The following ASAP2 variants were observed in gnomAD, a reference collection of about 807,000 sequenced individuals.
ASAP2 encodes ArfGAP with SH3 domain, ankyrin repeat and PH domain 2.
In ASAP2, 45 loss-of-function variants were observed where a neutral mutation model predicts 131.4. The ratio of observed to expected loss-of-function variants is 0.34; its 90% CI spans 0.27 to 0.44. The LOEUF is 0.44. ASAP2 is among the 20% of genes least tolerant of loss of function. The probability of loss-of-function intolerance (pLI) is 1.00; values close to 1 mark genes in which losing one functional copy is unlikely to be tolerated. For synonymous variants in ASAP2, 510 were observed against 503.0 expected, an observed-to-expected ratio of 1.01 and a Z score of -0.19; for missense variants, 1,011 against 1,297.0, an observed-to-expected ratio of 0.78 and a Z score of 3.39.
chr2:9,289,706 G>A (rs60099601), intron 2 of ASAP2, among the ~76,000 whole-genome samples: 194 of 152,252 alleles, frequency 1.3e-3, no homozygotes, highest in African/African-American at 4.4e-3. Flanking sequence ...GGAAGGATGG[G>A]ATCATTAATA....
At chr2:9,271,420 C>T (rs1446217181) in intron 1 of ASAP2, 7 of 1,435,014 alleles carry the variant, frequency 4.9e-6, no homozygotes, top group Non-Finnish European at 9.8e-7. Flanking sequence ...AATTACAGTA[C>T]CATTGCAGGC....
At chr2:9,254,254 T>TATATATATATATATACATATATATATAC (rs1553297027) in intron 1 of ASAP2, among the ~76,000 whole-genome samples, 4 of 65,744 alleles carry the variant, frequency 6.1e-5, no homozygotes, top group African/African-American at 3.0e-4. Flanking sequence ...TATATATATA[T>TATATATATATATATACATATATATATAC]ACACGTGTGT....
intron 1 of ASAP2, among the ~76,000 whole-genome samples, chr2:9,229,460 G>T (rs149566165): frequency 3.9e-5 from 6 of 152,320 alleles, no homozygotes; most frequent in African/African-American, 1.4e-4. Flanking sequence ...CTGGGAACCA[G>T]GGGCAGCTAC....
chr2:9,327,807 C>G lies in ASAP2; in HGVS notation c.601-19C>G. On this transcript the variant is annotated intron_variant, in intron 6 of 27. Coordinates refer to ENST00000281419, the MANE Select transcript of ASAP2 (RefSeq NM_003887.3). ...TATTCTGCTTACTTCCATGACATTT[C>G]CTTTTCATTGTTCAACAGTATCTGC... The G allele has an allele frequency of 6.4e-7, 1 of 1,566,278 alleles. No homozygotes were observed. Among genetic ancestry groups the G allele is most frequent in the South Asian group, 1.2e-5 (1 of 83,664 alleles).
At chr2:9,250,962 A>G (rs906485338) in intron 1 of ASAP2, among the ~76,000 whole-genome samples, 14 of 152,252 alleles carry the variant, frequency 9.2e-5, no homozygotes, top group African/African-American at 3.4e-4. Flanking sequence ...TCAATTTCTT[A>G]CAGAGATAAG....
At chr2:9,211,391 T>C (rs1011069162) in intron 1 of ASAP2, among the ~76,000 whole-genome samples, 1 of 152,136 alleles carries the variant, frequency 6.6e-6, no homozygotes, top group African/African-American at 2.4e-5. Flanking sequence ...TTTTTTTTCT[T>C]CTTTTTTTTT....
At chr2:9,380,968 G>A (rs1261340479) in intron 20 of ASAP2, among the ~76,000 whole-genome samples, 160 bp downstream of exon 20, 2 of 152,188 alleles carry the variant, frequency 1.3e-5, no homozygotes, top group Admixed American at 6.5e-5. Flanking sequence ...GAGAAGGTAT[G>A]CTAGGGAGTC....
Position 9,369,449 on chromosome 2 carries a change from G to C in ASAP2, c.1556+930G>C, listed in dbSNP as rs1019234059. Among the ~76,000 whole-genome samples the C allele has an allele frequency of 5.3e-5, 8 of 152,186 alleles. 1 individual carries two copies. The highest frequency in any genetic ancestry group is 2.6e-4 in the Admixed American group (4 of 15,278). The stretch of plus-strand genomic sequence containing the variant: ...GGTGGACAGGGAGACCCATGGGTTC[G>C]GGCAGTGGGTGTCCGGCTCGCCTTA... On this transcript the variant is annotated intron_variant, in intron 16 of 27. Transcript: ENST00000281419.
rs1205458695 is a variant in ASAP2 at position 9,350,789 on chromosome 2, G to GT, written c.1024-13dup. The GT allele has an allele frequency of 3.7e-6, 6 of 1,605,630 alleles. 1 individual carries two copies. Among genetic ancestry groups the GT allele is most frequent in the South Asian group, 2.2e-5 (2 of 89,950 alleles). ...CCACCCAACCCCAACCTTTTTTGTT[G>GT]TTTTTTGCTTTTAAACAGGCTAACC... On this transcript the variant is annotated intron_variant, in intron 11 of 27. Transcript: ENST00000281419.
At chr2:9,399,710 C>T in intron 24 of ASAP2, 1 of 430,086 alleles carries the variant, frequency 2.3e-6, no homozygotes, top group East Asian at 4.7e-5. Flanking sequence ...AGGGAAGGGG[C>T]TGAGCAGACT....
intron 16 of ASAP2, among the ~76,000 whole-genome samples, chr2:9,370,512 G>C (rs1007877910): frequency 6.6e-6 from 1 of 152,150 alleles, no homozygotes; most frequent in Non-Finnish European, 1.5e-5. Context: ...GAGGCAGTAG[G>C]GACATAGATA....
intron 1 of ASAP2, among the ~76,000 whole-genome samples, chr2:9,250,018 C>A (rs1349567257): frequency 1.3e-5 from 2 of 152,216 alleles, no homozygotes; most frequent in Non-Finnish European, 2.9e-5. Flanking sequence ...TCCCTTCTTT[C>A]CATTTTCTTA....
chr2:9,233,565 C>T (rs1441511409), intron 1 of ASAP2, among the ~76,000 whole-genome samples: 1 of 152,190 alleles, frequency 6.6e-6, no homozygotes, highest in Non-Finnish European at 1.5e-5. Flanking sequence ...CAGGACCTCT[C>T]GTTATAGCTT....
chr2:9,343,551 GTCC>G (rs1295269513), intron 9 of ASAP2, among the ~76,000 whole-genome samples: 3 of 152,142 alleles, frequency 2.0e-5, no homozygotes, highest in African/African-American at 4.8e-5. Flanking sequence ...GGCTCAAGCA[GTCC>G]TCCTGCTTCA....
intron 22 of ASAP2, 52 bp from the exon 23 acceptor site, chr2:9,391,010 G>A: frequency 6.2e-7 from 1 of 1,613,012 alleles, no homozygotes; most frequent in Non-Finnish European, 8.5e-7. Flanking sequence ...TTGTTCGTGT[G>A]TGCACGTGTA....
intron 12 of ASAP2, among the ~76,000 whole-genome samples, chr2:9,354,121 G>A (rs903081381): frequency 6.6e-5 from 10 of 152,266 alleles, no homozygotes; most frequent in East Asian, 1.9e-4. Context: ...GCCATTATCC[G>A]CGAACCCCAT....
At chr2:9,354,611 A>T (rs781185358) in intron 12 of ASAP2, among the ~76,000 whole-genome samples, 7 of 147,218 alleles carry the variant, frequency 4.8e-5, no homozygotes, top group South Asian at 2.1e-4. Context: ...GCACCACTCC[A>T]CTCCAACCTG....
intron 3 of ASAP2, among the ~76,000 whole-genome samples, chr2:9,316,853 G>A (rs930100641): frequency 2.0e-5 from 3 of 151,878 alleles, no homozygotes; most frequent in African/African-American, 7.3e-5. Flanking sequence ...GAAGAATGGG[G>A]GCACCAAGGC....
intron 2 of ASAP2, among the ~76,000 whole-genome samples, chr2:9,294,432 C>T (rs1027065261): frequency 6.6e-5 from 10 of 152,086 alleles, no homozygotes; most frequent in African/African-American, 1.4e-4. Context: ...GTGAGAAGGC[C>T]GGCTCCTCTC....
Sources: allele counts gnomAD v4.1 joint callset (sites outside exome capture counted in the v4.1 genomes callset), GRCh38; gene constraint gnomAD v4.1.1; transcripts MANE v1.5; gene names NCBI Gene and HGNC (gene_info 2026-07-23, HGNC 2026-07-21).